Variants in NOL4 observed in about 807,000 individuals in gnomAD.
NOL4 encodes the protein nucleolar protein 4.
Under a neutral mutation model 75.9 loss-of-function variants are expected in NOL4, and 17 were observed. The observed-to-expected ratio is 0.22, with a 90% CI of 0.15 to 0.34. The LOEUF (loss-of-function observed/expected upper bound fraction) is 0.34. Ranked by LOEUF, NOL4 falls within the 10% of genes least tolerant of loss-of-function variation. The pLI, the probability that NOL4 is intolerant of heterozygous loss-of-function variation, is 1.00. For synonymous variants in NOL4, 292 were observed against 289.9 expected (o/e 1.01, Z -0.07); for missense variants, 614 against 793.5 (o/e 0.77, Z 2.72).
chr18:34,180,625 C>A (rs2033958973), intron 1 of NOL4, among the ~76,000 whole-genome samples: 1 of 150,738 alleles, frequency 6.6e-6, no homozygotes, highest in South Asian at 2.1e-4. Flanking sequence ...GACAATTAGG[C>A]AAGAAAAATA....
At chr18:34,125,162 A>C (rs1252722485) in intron 2 of NOL4, among the ~76,000 whole-genome samples, 1 of 152,220 alleles carries the variant, frequency 6.6e-6, no homozygotes, top group Non-Finnish European at 1.5e-5. Flanking sequence ...GGTTTAACCC[A>C]AATAGATTGA....
chr18:34,211,456 G>A lies in NOL4; in HGVS notation c.264+11534C>T, dbSNP rs768499461. 2.4e-4 allele frequency among the ~76,000 whole-genome samples: 37 copies of A among 152,098 alleles called. 1 individual carries two copies. Among genetic ancestry groups the A allele is most frequent in the Admixed American group, 1.0e-3 (16 of 15,274 alleles). The stretch of plus-strand genomic sequence containing the variant: ...TTAGGTCAATTGGGTAGAGCATGGC[G>A]CTAGTATGACCAGGCTAGGCCTTAG... On this transcript the variant is annotated intron_variant, in intron 1 of 10. Transcript: ENST00000261592.
intron 5 of NOL4, among the ~76,000 whole-genome samples, chr18:34,068,382 T>C (rs1226153085): frequency 6.6e-6 from 1 of 152,152 alleles, no homozygotes; most frequent in Non-Finnish European, 1.5e-5. Flanking sequence ...TATTTCTTTT[T>C]TTAAAATTTT....
chr18:34,180,046 T>C (rs530934421), intron 1 of NOL4, among the ~76,000 whole-genome samples: 1 of 151,704 alleles, frequency 6.6e-6, no homozygotes, highest in African/African-American at 2.4e-5. Context: ...CTGGTGATTT[T>C]ATCAAATATT....
At chr18:34,203,795 TC>T (rs1417676586) in intron 1 of NOL4, among the ~76,000 whole-genome samples, 4 of 146,182 alleles carry the variant, frequency 2.7e-5, no homozygotes. Context: ...CAGCACTAGA[TC>T]AACCCCAGCA....
At chr18:34,037,474 G>T (rs1193389961) in intron 5 of NOL4, among the ~76,000 whole-genome samples, 2 of 152,008 alleles carry the variant, frequency 1.3e-5, no homozygotes, top group Non-Finnish European at 2.9e-5. Context: ...TGAGTAAAAA[G>T]AACAAAGCTG....
intron 10 of NOL4, among the ~76,000 whole-genome samples, chr18:33,881,613 A>G (rs1180953899): frequency 6.6e-6 from 1 of 151,922 alleles, no homozygotes; most frequent in Non-Finnish European, 1.5e-5. Flanking sequence ...CAATATCGTG[A>G]AAATGGCCAT....
chr18:33,852,863 A>AT lies in NOL4; in HGVS notation c.1895dup (p.Asn632LysfsTer19). 6.2e-7 allele frequency: 1 copy of AT among 1,612,530 alleles called. No individual in the cohort carries two copies. Among genetic ancestry groups the AT allele is most frequent in the Non-Finnish European group, 8.5e-7 (1 of 1,179,194 alleles). On this transcript the variant is annotated frameshift_variant, in exon 11 of 11. Transcript: ENST00000261592. LOFTEE classifies it high-confidence loss of function. Reference sequence around the variant, plus strand: ...TGTCTCAGTTCTGTTGTAAAATGAGATTTTCCAGTTCATCTGCAGATCGCA... The same window carrying AT: ...TGTCTCAGTTCTGTTGTAAAATGAGATTTTTCCAGTTCATCTGCAGATCGCA...
intron 6 of NOL4, among the ~76,000 whole-genome samples, chr18:33,994,110 T>C (rs1055311856): frequency 5.3e-5 from 8 of 151,770 alleles, no homozygotes; most frequent in Non-Finnish European, 1.0e-4. Flanking sequence ...AATTATAAAC[T>C]ATATGAACCT....
chr18:33,956,271 A>G (rs1328861643), intron 8 of NOL4, among the ~76,000 whole-genome samples: 1 of 152,168 alleles, frequency 6.6e-6, no homozygotes, highest in Non-Finnish European at 1.5e-5. Flanking sequence ...TACTTAACTC[A>G]TTGGGTTTCT....
intron 1 of NOL4, among the ~76,000 whole-genome samples, chr18:34,157,798 A>C (rs2030708464): frequency 6.6e-6 from 1 of 152,162 alleles, no homozygotes; most frequent in Non-Finnish European, 1.5e-5. Flanking sequence ...AGGATGACAA[A>C]TGAAAGGGAC....
At chr18:33,867,232 T>C (rs1177080608) in intron 10 of NOL4, among the ~76,000 whole-genome samples, 1 of 152,204 alleles carries the variant, frequency 6.6e-6, no homozygotes, top group Admixed American at 6.6e-5. Context: ...ATCTTATAGC[T>C]GTGTGCTGCA....
chr18:33,857,826 T>C (rs899531914), intron 10 of NOL4, among the ~76,000 whole-genome samples: 2 of 152,130 alleles, frequency 1.3e-5, no homozygotes, highest in Non-Finnish European at 2.9e-5. Flanking sequence ...ATATGCTTTA[T>C]GTTTTAACAA....
chr18:34,119,843 G>C lies in NOL4; in HGVS notation c.414+10028C>G, dbSNP rs1181676743. ...TTCACAGTGTTAGCCAGGATGGTCT[G>C]GATCTCCTGACCTCGTGATCCACCC... On this transcript the variant is annotated intron_variant, in intron 2 of 10. Transcript: ENST00000261592. 2.0e-5 allele frequency among the ~76,000 whole-genome samples: 3 copies of C among 151,878 alleles called. No homozygotes were observed. In the East Asian group the frequency reaches 5.8e-4, roughly 30 times the overall value.
At chr18:34,084,023 A>G (rs113178784) in intron 5 of NOL4, among the ~76,000 whole-genome samples, 2 of 152,160 alleles carry the variant, frequency 1.3e-5, no homozygotes, top group Non-Finnish European at 2.9e-5. Flanking sequence ...AGCAGCAAAG[A>G]TGGCAGCCTG....
At chr18:34,097,694 T>A (rs758549437) in intron 4 of NOL4, among the ~76,000 whole-genome samples, 1 of 152,196 alleles carries the variant, frequency 6.6e-6, no homozygotes, top group Admixed American at 6.5e-5. Flanking sequence ...ATGACTACCA[T>A]CTTAGGCAGT....
chr18:34,042,155 G>T (rs933059944), intron 5 of NOL4, among the ~76,000 whole-genome samples: 31 of 151,870 alleles, frequency 2.0e-4, no homozygotes, highest in African/African-American at 7.5e-4. Flanking sequence ...TTTAAGAGCT[G>T]ACTATACACT....
intron 6 of NOL4, among the ~76,000 whole-genome samples, chr18:33,982,815 T>C (rs2146000145): frequency 6.7e-6 from 1 of 149,130 alleles, no homozygotes; most frequent in Non-Finnish European, 1.5e-5. Context: ...TAATGGTGCG[T>C]TCTCGGCTCA....
intron 1 of NOL4, among the ~76,000 whole-genome samples, chr18:34,209,247 G>A (rs2036346394): frequency 1.3e-5 from 2 of 149,354 alleles, no homozygotes; most frequent in South Asian, 4.3e-4. Context: ...ATATAGAAAT[G>A]GTAAATAAAA....
Sources: gnomAD v4.1 joint callset for allele counts (sites outside exome capture counted in the v4.1 genomes callset) on GRCh38, gnomAD v4.1.1 for gene constraint, MANE v1.5 for transcripts, NCBI Gene and HGNC (gene_info 2026-07-23, HGNC 2026-07-21) for gene names.